The following FBLN2 variants were observed in gnomAD, a reference collection of about 807,000 sequenced individuals.
FBLN2 encodes fibulin-2.
A neutral mutation model predicts 123.7 loss-of-function variants in FBLN2; 81 were observed. The observed-to-expected ratio is 0.65, with a 90% CI of 0.55 to 0.79. The LOEUF is 0.79. FBLN2 is among the 30% of genes least tolerant of loss of function. FBLN2 has a pLI of 0.00. For missense variants in FBLN2, 1,603 were observed against 1,681.3 expected (o/e 0.95, Z 0.81); for synonymous variants, 699 against 701.4 (o/e 1.00, Z 0.05).
At chr3:13,609,482 A>T in intron 3 of FBLN2, 31 bp from the exon 4 acceptor site, 1 of 1,520,556 alleles carries the variant, frequency 6.6e-7, no homozygotes. Flanking sequence ...GAGGTGGGCG[A>T]CTGGGGGCTA....
intron 2 of FBLN2, among the ~76,000 whole-genome samples, chr3:13,601,397 A>T (rs997806097): frequency 3.9e-5 from 6 of 152,218 alleles, no homozygotes; most frequent in African/African-American, 1.4e-4. Context: ...ACATGCCCAG[A>T]GTGTAACAAG....
rs1191616446 is a variant in FBLN2, at chr3:13,570,565, C to G, written c.210C>G (p.Tyr70Ter). 4 of 1,588,648 alleles carry G rather than the reference C, an allele frequency of 2.5e-6. No homozygotes were observed. The African/African-American group carries it at 4.0e-5, about 16-fold the overall frequency. ...GCTGCGCCTGCGAGGGCTACCAGTA[C>G]TATGACTGCCTACAGGGTGGCTTCG... Reference protein sequence around the residue: ...QQGCACEGYQYYDCLQGGFVR... With the variant: ...QQGCACEGYQ Residue 70 changes from tyrosine (Y) to a stop codon, truncating the protein, a stop_gained, in exon 2 of 18, where the codon TAC becomes TAG. Transcript: ENST00000404922. LOFTEE classifies it high-confidence loss of function.
rs373459850 is a variant in FBLN2 at position 13,636,459 on chromosome 3, G to A, written c.3229G>A (p.Ala1077Thr). ...TTCTCCCCCAGACGTGGATGAGTGT[G>A]CACTGGGTACCCACAACTGTTCCGA... ...GRSCKDVDEC[A>T]LGTHNCSEAE... Residue 1077 changes from alanine (A) to threonine (T), a missense_variant, in exon 17 of 18, where the codon GCA becomes ACA. Ala to Thr is a moderately conservative substitution (Grantham distance 58). Transcript: ENST00000404922. 13 of 1,613,708 alleles carry A rather than the reference G, an allele frequency of 8.1e-6. No individual in the cohort carries two copies. The highest frequency in any genetic ancestry group is 1.1e-5 in the Non-Finnish European group (13 of 1,179,770).
chr3:13,557,229 C>G (rs557054253), intron 1 of FBLN2, among the ~76,000 whole-genome samples: 2 of 152,334 alleles, frequency 1.3e-5, no homozygotes, highest in South Asian at 4.1e-4. Flanking sequence ...TTCCCTGAGC[C>G]TGGGGACTGA....
At chr3:13,633,878 G>A (rs1420293236) in intron 16 of FBLN2, among the ~76,000 whole-genome samples, 1 of 151,228 alleles carries the variant, frequency 6.6e-6, no homozygotes, top group Non-Finnish European at 1.5e-5. Flanking sequence ...CCATGACTGA[G>A]CTGAGTGGGA....
chr3:13,622,671 C>T (rs1048894137), intron 9 of FBLN2, among the ~76,000 whole-genome samples: 12 of 152,268 alleles, frequency 7.9e-5, no homozygotes, highest in African/African-American at 2.4e-4. Context: ...CTTCCTTCTC[C>T]TCTCTTAGGC....
chr3:13,602,621 C>T (rs572707265), intron 2 of FBLN2, among the ~76,000 whole-genome samples: 3 of 152,162 alleles, frequency 2.0e-5, no homozygotes, highest in African/African-American at 7.2e-5. Context: ...GTGAATCAAG[C>T]ATGTTCACTG....
chr3:13,602,590 C>T (rs1705068410), intron 2 of FBLN2, among the ~76,000 whole-genome samples: 1 of 152,160 alleles, frequency 6.6e-6, no homozygotes, highest in Admixed American at 6.5e-5. Context: ...ACCCATTAGA[C>T]AATCAAATTT....
At chr3:13,593,528 G>C (rs1474237490) in intron 2 of FBLN2, among the ~76,000 whole-genome samples, 1 of 151,944 alleles carries the variant, frequency 6.6e-6, no homozygotes, top group Non-Finnish European at 1.5e-5. Flanking sequence ...AGCTTGGCCA[G>C]CATGGTGAAA....
intron 2 of FBLN2, among the ~76,000 whole-genome samples, chr3:13,603,854 C>T (rs1705119610): frequency 6.6e-6 from 1 of 152,244 alleles, no homozygotes; most frequent in African/African-American, 2.4e-5. Flanking sequence ...GTCCCACCAA[C>T]AGTGTAAAAG....
At chr3:13,574,833 G>C (rs977428463) in intron 2 of FBLN2, among the ~76,000 whole-genome samples, 1 of 152,248 alleles carries the variant, frequency 6.6e-6, no homozygotes, top group Admixed American at 6.5e-5. Context: ...CTTCCCCCAA[G>C]AGGCTCAGTT....
chr3:13,597,911 A>G (rs546276854), intron 2 of FBLN2, among the ~76,000 whole-genome samples: 1 of 152,366 alleles, frequency 6.6e-6, no homozygotes, highest in South Asian at 2.1e-4. Flanking sequence ...CCAGGAGGCC[A>G]GAGAGAATCT....
chr3:13,561,451 T>A (rs1214804614), intron 1 of FBLN2, among the ~76,000 whole-genome samples: 3 of 151,754 alleles, frequency 2.0e-5, no homozygotes, highest in African/African-American at 7.3e-5. Flanking sequence ...TCATTTTTCT[T>A]TGTGCTGCTC....
At chr3:13,631,988 G>A (rs1706274427) in intron 16 of FBLN2, among the ~76,000 whole-genome samples, 1 of 148,402 alleles carries the variant, frequency 6.7e-6, no homozygotes, top group Middle Eastern at 3.2e-3. Flanking sequence ...CAATGGGAGG[G>A]TCCCCCACTC....
chr3:13,595,605 G>C (rs888137101), intron 2 of FBLN2, among the ~76,000 whole-genome samples: 1 of 152,186 alleles, frequency 6.6e-6, no homozygotes, highest in Non-Finnish European at 1.5e-5. Context: ...TGTTTGCTCA[G>C]GCCCCACAAA....
chr3:13,619,058 T>C (rs767415989), intron 7 of FBLN2, 41 bp downstream of exon 7: 3 of 1,504,672 alleles, frequency 2.0e-6, no homozygotes, highest in African/African-American at 1.4e-5. Context: ...GGGCCCAGGG[T>C]CCAGGGGGTG....
chr3:13,576,828 G>T (rs1704162713), intron 2 of FBLN2, among the ~76,000 whole-genome samples: 2 of 152,038 alleles, frequency 1.3e-5, no homozygotes, highest in Admixed American at 1.3e-4. Flanking sequence ...TGAGAGGTAT[G>T]GTCCCCACCC....
intron 16 of FBLN2, among the ~76,000 whole-genome samples, chr3:13,634,793 G>A (rs1011370090): frequency 8.5e-5 from 13 of 152,220 alleles, no homozygotes; most frequent in African/African-American, 2.4e-4. Flanking sequence ...AGTCTGAGGC[G>A]GTCCGGGGGT....
intron 2 of FBLN2, among the ~76,000 whole-genome samples, chr3:13,574,895 C>T (rs75718051): frequency 0.046 from 6,995 of 152,276 alleles, 250 homozygotes; most frequent in South Asian, 0.14. Context: ...CCCTCCCATG[C>T]TGCGTGCACA....
Sources: gnomAD v4.1 joint callset for allele counts (sites outside exome capture counted in the v4.1 genomes callset) on GRCh38, gnomAD v4.1.1 for gene constraint, MANE v1.5 for transcripts, NCBI Gene and HGNC (gene_info 2026-07-23, HGNC 2026-07-21) for gene names.